Variants in DPP6 observed in about 807,000 individuals in gnomAD.
DPP6 encodes A-type potassium channel modulatory protein DPP6.
A neutral mutation model predicts 122.6 loss-of-function variants in DPP6; 69 were observed. The observed-to-expected ratio is 0.56, with a 90% CI of 0.46 to 0.69. DPP6 has a LOEUF of 0.69. Among genes scored for constraint, DPP6 ranks in the 30% least tolerant of loss-of-function variants. DPP6 has a pLI of 0.00. For missense variants in DPP6, 928 were observed against 1,116.9 expected (o/e 0.83, Z 2.41); for synonymous variants, 418 against 433.1 (o/e 0.97, Z 0.43).
intron 1 of DPP6, among the ~76,000 whole-genome samples, chr7:154,084,805 T>C (rs1480854331): frequency 2.7e-5 from 4 of 149,108 alleles, no homozygotes; most frequent in African/African-American, 9.9e-5. Context: ...CTGGCTAACA[T>C]GGTGAAACCC....
the DPP6 span, among the ~76,000 whole-genome samples, chr7:153,795,669 A>G: frequency 1.3e-5 from 2 of 152,010 alleles, no homozygotes. Context: ...TTCTTTTTCT[A>G]AGTTTCTTAA....
chr7:153,898,338 G>C (rs1799495256), intron 1 of DPP6, among the ~76,000 whole-genome samples: 1 of 152,114 alleles, frequency 6.6e-6, no homozygotes, highest in Non-Finnish European at 1.5e-5. Context: ...TGTAGTCCCA[G>C]CTACTTGGGA....
intron 1 of DPP6, among the ~76,000 whole-genome samples, chr7:154,018,000 G>A (rs1180018282): frequency 3.3e-5 from 5 of 152,174 alleles, no homozygotes; most frequent in African/African-American, 4.8e-5. Flanking sequence ...AGGGCCAGAT[G>A]AAATTCACAT....
intron 1 of DPP6, among the ~76,000 whole-genome samples, chr7:154,290,624 T>A (rs1456662888): frequency 2.0e-5 from 3 of 147,524 alleles, no homozygotes; most frequent in African/African-American, 7.6e-5. Context: ...GTAGCCTGTG[T>A]GACAAGAGCA....
chr7:154,384,403 A>T (rs1192849803), intron 1 of DPP6, among the ~76,000 whole-genome samples: 1 of 152,140 alleles, frequency 6.6e-6, no homozygotes, highest in Admixed American at 6.5e-5. Flanking sequence ...AGGAGGCTGA[A>T]CTTGGGCAGA....
At chr7:154,562,015 T>C (rs77631966) in intron 4 of DPP6, among the ~76,000 whole-genome samples, 15,759 of 152,230 alleles carry the variant, frequency 0.1, 998 homozygotes, top group Middle Eastern at 0.19. Context: ...CAAACATTTA[T>C]GTAAGAAATA....
chr7:154,060,741 AGGGACT>A, intron 1 of DPP6, among the ~76,000 whole-genome samples: 1 of 96,290 alleles, frequency 1.0e-5, no homozygotes, highest in Middle Eastern at 7.4e-3. Context: ...CCCGCGAGGC[AGGGACT>A]GAGAGCCAGT....
chr7:154,831,832 G>A (rs1474918806), intron 16 of DPP6, among the ~76,000 whole-genome samples: 4 of 152,184 alleles, frequency 2.6e-5, no homozygotes, highest in Non-Finnish European at 5.9e-5. Flanking sequence ...TTGTCAGAAA[G>A]TTCCTCTCTT....
intron 1 of DPP6, among the ~76,000 whole-genome samples, chr7:154,041,250 A>G (rs1423846570): frequency 1.3e-5 from 2 of 152,310 alleles, no homozygotes; most frequent in Non-Finnish European, 2.9e-5. Flanking sequence ...TAGTTGAAGA[A>G]ATGTGCAAAA....
intron 10 of DPP6, among the ~76,000 whole-genome samples, chr7:154,785,363 C>T (rs957139964): frequency 1.3e-5 from 2 of 152,144 alleles, no homozygotes; most frequent in African/African-American, 4.8e-5. Flanking sequence ...ATGCACATTT[C>T]ACTGTTTTTA....
At chr7:154,598,990 G>C (rs1440973744) in intron 5 of DPP6, among the ~76,000 whole-genome samples, 1 of 152,158 alleles carries the variant, frequency 6.6e-6, no homozygotes, top group Non-Finnish European at 1.5e-5. Flanking sequence ...GCTTGCTATT[G>C]GCCTTTGGGA....
rs1178608282 is a variant in DPP6 at position 154,265,120 on chromosome 7, G to C, written c.244-181094G>C. 2.4e-3 allele frequency among the ~76,000 whole-genome samples: 365 copies of C among 151,290 alleles called. 6 individuals carry two copies. Among genetic ancestry groups the C allele is most frequent in the African/African-American group, 8.2e-3 (334 of 40,796 alleles). ...TGGTGATGATAATGATAGTGATAGTGATGATGGTGTTAATGGTGATGGTGA... is the reference window on the plus strand; with the variant it reads ...TGGTGATGATAATGATAGTGATAGTCATGATGGTGTTAATGGTGATGGTGA... On this transcript the variant is annotated intron_variant, in intron 1 of 25. Coordinates refer to ENST00000377770, the MANE Select transcript of DPP6 (RefSeq NM_130797.4).
chr7:154,574,362 T>TA (rs1262246208), intron 5 of DPP6, among the ~76,000 whole-genome samples: 1 of 144,012 alleles, frequency 6.9e-6, no homozygotes, highest in Non-Finnish European at 1.5e-5. Flanking sequence ...TATGTGTGTG[T>TA]TGTGTATGTG....
rs527486127 is a variant in DPP6 at position 154,348,893 on chromosome 7, C to G, written c.244-97321C>G. ...CTTCCTTCTTTATTCTGCCATTTGG[C>G]TGAATGACCCTTAAGGTGACACAAA... On this transcript the variant is annotated intron_variant, in intron 1 of 25. Coordinates refer to ENST00000377770, the MANE Select transcript of DPP6 (RefSeq NM_130797.4). Among the ~76,000 whole-genome samples the G allele has an allele frequency of 2.6e-5, 4 of 152,302 alleles. No homozygotes were observed. In the South Asian group the frequency reaches 8.3e-4, roughly 32 times the overall value.
At chr7:153,781,939 A>G in the DPP6 span, among the ~76,000 whole-genome samples, 5 of 144,794 alleles carry the variant, frequency 3.5e-5, no homozygotes, top group Admixed American at 3.5e-4. Context: ...AACTTCTATC[A>G]TAATCTGATA....
the DPP6 span, among the ~76,000 whole-genome samples, chr7:153,802,401 C>G: frequency 1.3e-5 from 2 of 152,182 alleles, no homozygotes; most frequent in East Asian, 3.9e-4. Flanking sequence ...TGTTGAAATA[C>G]TGAAATGTTA....
At chr7:154,000,611 C>T (rs542442220) in intron 1 of DPP6, among the ~76,000 whole-genome samples, 91 of 152,282 alleles carry the variant, frequency 6.0e-4, no homozygotes, top group African/African-American at 2.0e-3. Flanking sequence ...TCAGAAGAGC[C>T]GAGTTTCCTG....
intron 1 of DPP6, among the ~76,000 whole-genome samples, chr7:153,958,727 C>G (rs1221944891): frequency 6.6e-6 from 1 of 152,174 alleles, no homozygotes. Flanking sequence ...GACACTACAA[C>G]AAAATCAGCT....
chr7:153,868,498 T>C, the DPP6 span, among the ~76,000 whole-genome samples: 1 of 152,228 alleles, frequency 6.6e-6, no homozygotes, highest in African/African-American at 2.4e-5. Context: ...GGTGGTGATA[T>C]AACCTTTGTC....
Sources: gnomAD v4.1 joint callset for allele counts (sites outside exome capture counted in the v4.1 genomes callset) on GRCh38, gnomAD v4.1.1 for gene constraint, MANE v1.5 for transcripts, NCBI Gene and HGNC (gene_info 2026-07-23, HGNC 2026-07-21) for gene names.